DGKB: variants seen among roughly 807,000 people sequenced by gnomAD.
The protein encoded by DGKB is diacylglycerol kinase beta.
DGKB carries 67 observed loss-of-function variants against 114.3 expected under a neutral mutation model. That is an observed-to-expected ratio of 0.59 (90% CI 0.48 to 0.72). The LOEUF is 0.72. DGKB is among the 30% of genes least tolerant of loss of function. The pLI, the probability that DGKB is intolerant of heterozygous loss-of-function variation, is 0.00. For missense variants in DGKB, 907 were observed against 975.2 expected (o/e 0.93, Z 0.93); for synonymous variants, 398 against 323.1 (o/e 1.23, Z -2.49).
chr7:14,477,707 T>C (rs1349696591), intron 21 of DGKB, among the ~76,000 whole-genome samples: 1 of 152,198 alleles, frequency 6.6e-6, no homozygotes, highest in Non-Finnish European at 1.5e-5. Flanking sequence ...ATATTGGTAT[T>C]GATATTACTA....
At position 14,566,019 on chromosome 7, in the gene DGKB, A is replaced by G. The variant is rs528727798; in HGVS notation, c.1770+8193T>C. Among the ~76,000 whole-genome samples the G allele has an allele frequency of 1.6e-4, 25 of 152,254 alleles. No homozygotes were observed. The South Asian group carries it at 4.8e-3, about 29-fold the overall frequency. ...GTTTTTGAGGTTTATGATGACCAAG[A>G]GTCGCTTGTGTTGTTTCCAAACCTG... On this transcript the variant is annotated intron_variant, in intron 20 of 25. Coordinates refer to ENST00000402815, the MANE Select transcript of DGKB (RefSeq NM_001350709.2).
chr7:14,403,139 A>G (rs1823391067), intron 21 of DGKB, among the ~76,000 whole-genome samples: 1 of 151,896 alleles, frequency 6.6e-6, no homozygotes, highest in South Asian at 2.1e-4. Context: ...GAATACTAAT[A>G]CAGTGTTTGT....
intron 13 of DGKB, among the ~76,000 whole-genome samples, chr7:14,654,271 G>A (rs1815305749): frequency 6.6e-6 from 1 of 151,788 alleles, no homozygotes; most frequent in East Asian, 1.9e-4. Context: ...AACTGGAGAA[G>A]GAAATCCCAT....
At chr7:14,370,188 A>G (rs1454797909) in intron 21 of DGKB, among the ~76,000 whole-genome samples, 1 of 152,186 alleles carries the variant, frequency 6.6e-6, no homozygotes, top group African/African-American at 2.4e-5. Context: ...TCCCAACACC[A>G]TATATTAAAT....
At position 14,219,823 on chromosome 7, in the gene DGKB, CATCAT is replaced by C. The variant is rs563434950; in HGVS notation, c.2123-41677_2123-41673del. 1.7e-3 allele frequency among the ~76,000 whole-genome samples: 252 copies of C among 151,808 alleles called. 1 individual carries two copies. Among genetic ancestry groups the C allele is most frequent in the Non-Finnish European group, 2.9e-3 (193 of 67,706 alleles). ...TTTCTTTTGTTGTTCATGCTGTTGG[CATCAT>C]ATATGAGAATCCATTGCTGAATCAA... On this transcript the variant is annotated intron_variant, in intron 23 of 25. Transcript: ENST00000402815.
In DGKB at chr7:14,207,325, G is replaced by T. The variant is rs184666306; in HGVS notation, c.2123-29174C>A. 6.6e-5 allele frequency among the ~76,000 whole-genome samples: 10 copies of T among 152,166 alleles called. No homozygotes were observed. The South Asian group carries it at 2.1e-3, about 32-fold the overall frequency. On this transcript the variant is annotated intron_variant, in intron 23 of 25. Coordinates refer to ENST00000402815, the MANE Select transcript of DGKB (RefSeq NM_001350709.2). ...ACATATGACCTAAGCTTTGCCAGTC[G>T]GGTGCATTGGTGTGAGATGTTTGGA... is the stretch of plus-strand genomic sequence containing the variant.
chr7:14,713,850 T>C (rs1391719914), intron 6 of DGKB, among the ~76,000 whole-genome samples: 1 of 152,048 alleles, frequency 6.6e-6, no homozygotes, highest in Non-Finnish European at 1.5e-5. Context: ...TAAGGAAATG[T>C]AAGATAATAT....
intron 1 of DGKB, among the ~76,000 whole-genome samples, chr7:14,974,063 A>G (rs1373438313): frequency 6.6e-6 from 1 of 151,920 alleles, no homozygotes; most frequent in Non-Finnish European, 1.5e-5. Context: ...TACTGGGAAA[A>G]TTGCCATTTG....
At chr7:14,876,194 C>T (rs1339118274) in intron 1 of DGKB, among the ~76,000 whole-genome samples, 1 of 152,076 alleles carries the variant, frequency 6.6e-6, no homozygotes, top group Non-Finnish European at 1.5e-5. Flanking sequence ...GAGTTACTGC[C>T]TTTTTCTATG....
chr7:14,480,942 A>C, intron 20 of DGKB, among the ~76,000 whole-genome samples: 1 of 152,190 alleles, frequency 6.6e-6, no homozygotes, highest in Middle Eastern at 3.4e-3. Context: ...TAAATGACAT[A>C]TTTTTGAAAT....
Position 14,149,114 on chromosome 7 carries a change from A to C in DGKB, c.*17T>G, listed in dbSNP as rs1781795503. On this transcript the variant is annotated 3_prime_UTR_variant, in exon 26 of 26. Coordinates refer to ENST00000402815, the MANE Select transcript of DGKB (RefSeq NM_001350709.2). The stretch of plus-strand genomic sequence containing the variant: ...CAATTATGCTAATTCAATTTCTAAG[A>C]GTGAAACAACACAGGATTATTCCTT... 1 of 1,601,358 alleles carries C rather than the reference A, an allele frequency of 6.2e-7. No individual in the cohort carries two copies. The highest frequency in any genetic ancestry group is 1.3e-5 in the African/African-American group (1 of 74,728).
At chr7:14,879,874 T>C (rs1853951256) in intron 1 of DGKB, among the ~76,000 whole-genome samples, 1 of 152,190 alleles carries the variant, frequency 6.6e-6, no homozygotes, top group South Asian at 2.1e-4. Context: ...TTTTCTCTCA[T>C]AATAGGAATC....
chr7:14,246,770 CTAAT>C (rs531619026), intron 23 of DGKB, among the ~76,000 whole-genome samples: 22 of 152,176 alleles, frequency 1.4e-4, no homozygotes, highest in Non-Finnish European at 2.2e-4. Flanking sequence ...TTACCACAAT[CTAAT>C]TAACATATCA....
intron 1 of DGKB, among the ~76,000 whole-genome samples, chr7:14,918,143 C>T (rs1005009508): frequency 6.6e-6 from 1 of 152,084 alleles, no homozygotes; most frequent in African/African-American, 2.4e-5. Context: ...CAGGTAACAT[C>T]ATACTTAGTG....
intron 1 of DGKB, among the ~76,000 whole-genome samples, chr7:14,885,297 T>C (rs1345283382): frequency 5.3e-5 from 8 of 151,918 alleles, no homozygotes; most frequent in Non-Finnish European, 1.2e-4. Context: ...AGGACAACCA[T>C]GTAGCAGAAG....
intron 23 of DGKB, among the ~76,000 whole-genome samples, chr7:14,253,886 T>G (rs888710897): frequency 1.3e-5 from 2 of 152,172 alleles, no homozygotes; most frequent in Non-Finnish European, 2.9e-5. Flanking sequence ...GTTAATAAGA[T>G]CATATTAAAA....
At chr7:14,921,051 G>A (rs1285218497) in intron 1 of DGKB, among the ~76,000 whole-genome samples, 1 of 152,060 alleles carries the variant, frequency 6.6e-6, no homozygotes, top group Non-Finnish European at 1.5e-5. Flanking sequence ...TTTGTCACCT[G>A]GGTAATGAGC....
chr7:14,529,118 T>C (rs1465112838), intron 20 of DGKB, among the ~76,000 whole-genome samples: 2 of 151,970 alleles, frequency 1.3e-5, no homozygotes, highest in Admixed American at 1.3e-4. Flanking sequence ...TTTACAATGA[T>C]TCTGAAACAC....
chr7:14,248,355 G>A (rs534468310), intron 23 of DGKB, among the ~76,000 whole-genome samples: 90 of 152,130 alleles, frequency 5.9e-4, no homozygotes, highest in African/African-American at 2.2e-3. Flanking sequence ...TTCCATATAA[G>A]TTTTAGGATT....
Sources: allele counts gnomAD v4.1 joint callset (sites outside exome capture counted in the v4.1 genomes callset), GRCh38; gene constraint gnomAD v4.1.1; transcripts MANE v1.5; gene names NCBI Gene and HGNC (gene_info 2026-07-23, HGNC 2026-07-21).